Variants in GNG2 observed in about 807,000 individuals in gnomAD.
GNG2 encodes G protein subunit gamma 2, also known as guanine nucleotide-binding protein G(I)/G(S)/G(O) subunit gamma-2.
GNG2 carries 5 observed loss-of-function variants against 5.5 expected under a neutral mutation model. The ratio of observed to expected loss-of-function variants is 0.91; its 90% CI spans 0.48 to 1.92. GNG2 has a LOEUF of 1.92. GNG2 is among the 30% of genes most tolerant of loss of function. The probability of loss-of-function intolerance (pLI) is 0.01; values close to 1 mark genes in which losing one functional copy is unlikely to be tolerated. For synonymous variants in GNG2, 28 were observed against 32.0 expected (o/e 0.88, Z 0.42); for missense variants, 55 against 88.4 (o/e 0.62, Z 1.52).
chr14:51,844,870 C>T (rs2002461), intron 2 of GNG2, among the ~76,000 whole-genome samples: 51,369 of 152,002 alleles, frequency 0.34, 9,193 homozygotes, highest in East Asian at 0.58. Flanking sequence ...GGATTACAGG[C>T]GCACGCCACC....
At chr14:51,850,751 G>A (rs1881868931) in intron 2 of GNG2, among the ~76,000 whole-genome samples, 2 of 152,198 alleles carry the variant, frequency 1.3e-5, no homozygotes, top group East Asian at 1.9e-4. Flanking sequence ...AGAAGGTGAA[G>A]AGGGTTCAGG....
chr14:51,966,687 A>G lies in GNG2; in HGVS notation c.216A>G (p.Ter72=). 6.2e-7 allele frequency: 1 copy of G among 1,613,710 alleles called. No homozygotes were observed. Among genetic ancestry groups the G allele is most frequent in the Non-Finnish European group, 8.5e-7 (1 of 1,179,682 alleles). ...AGAAGTTTTTCTGTGCCATCCTTTA[A>G]GTCTTTGAGAGGGGCCTGAAGAGCC... is the stretch of plus-strand genomic sequence containing the variant. ...REKKFFCAIL[*] is the part of the protein sequence containing the mutation. Residue 72 remains the stop codon, a stop_retained_variant, in exon 4 of 4, where the codon TAA becomes TAG. Coordinates refer to ENST00000556766, the MANE Select transcript of GNG2 (RefSeq NM_053064.5).
chr14:51,875,592 G>C (rs1352602734), intron 1 of GNG2, among the ~76,000 whole-genome samples: 1 of 151,764 alleles, frequency 6.6e-6, no homozygotes, highest in African/African-American at 2.4e-5. Flanking sequence ...GTATCAGAAA[G>C]ATACTATGTA....
At chr14:51,882,499 C>A (rs375385294) in intron 2 of GNG2, among the ~76,000 whole-genome samples, 5 of 152,068 alleles carry the variant, frequency 3.3e-5, no homozygotes, top group African/African-American at 9.7e-5. Context: ...ATTAGGAAAC[C>A]CTTGAAGGGT....
At chr14:51,929,733 G>A (rs1345831768) in intron 2 of GNG2, among the ~76,000 whole-genome samples, 1 of 152,072 alleles carries the variant, frequency 6.6e-6, no homozygotes, top group Non-Finnish European at 1.5e-5. Context: ...TTTGCCACAG[G>A]AGCTTTCTTG....
At chr14:51,866,860 A>G (rs963261050) in intron 1 of GNG2, among the ~76,000 whole-genome samples, 3 of 152,210 alleles carry the variant, frequency 2.0e-5, no homozygotes, top group African/African-American at 4.8e-5. Context: ...CGTCATTCAC[A>G]TCATTCATTC....
At chr14:51,845,197 G>T (rs1264689314) in intron 2 of GNG2, among the ~76,000 whole-genome samples, 3 of 152,182 alleles carry the variant, frequency 2.0e-5, no homozygotes, top group African/African-American at 7.2e-5. Context: ...TTAAAAATAG[G>T]TAATTTTCAA....
At chr14:51,928,611 T>TA (rs577775034) in intron 2 of GNG2, among the ~76,000 whole-genome samples, 6 of 152,012 alleles carry the variant, frequency 3.9e-5, no homozygotes, top group Admixed American at 6.5e-5. Context: ...TATCTCATCC[T>TA]AAAAAAACAC....
chr14:51,914,247 C>T (rs772667544), intron 2 of GNG2: 2 of 702,166 alleles, frequency 2.8e-6, no homozygotes, highest in South Asian at 3.0e-5. Context: ...AGTTATTAGG[C>T]AACATAAAAC....
At position 51,966,658 on chromosome 14, in the gene GNG2, GAGA is replaced by G. The variant is rs1406313441; in HGVS notation, c.193_195del (p.Lys65del). On this transcript the variant is annotated inframe_deletion, in exon 4 of 4. Transcript: ENST00000556766. The stretch of plus-strand genomic sequence containing the variant: ...TCCGGCTTCAGAAAACCCGTTTAGG[GAGA>G]AGAAGTTTTTCTGTGCCATCCTTTA... 3.1e-6 allele frequency: 5 copies of G among 1,613,822 alleles called. No homozygotes were observed. The highest frequency in any genetic ancestry group is 2.7e-5 in the African/African-American group (2 of 74,906).
chr14:51,935,752 T>C (rs929929751), intron 2 of GNG2, among the ~76,000 whole-genome samples: 2 of 152,174 alleles, frequency 1.3e-5, no homozygotes, highest in African/African-American at 4.8e-5. Flanking sequence ...GGCACCGGCA[T>C]CTGCTCGGTT....
chr14:51,827,693 C>T, exon 2 of GNG2: 2 of 702,148 alleles, frequency 2.8e-6, no homozygotes, highest in South Asian at 3.0e-5. Context: ...AAAAGCAGCA[C>T]CGTGGAGCTG....
chr14:51,835,280 G>C (rs141332054), intron 2 of GNG2, among the ~76,000 whole-genome samples: 11 of 152,326 alleles, frequency 7.2e-5, no homozygotes, highest in African/African-American at 1.4e-4. Context: ...TGAAGAGAAA[G>C]ACTGGGCATC....
intron 1 of GNG2, chr14:51,826,282 T>A (rs1019761135): frequency 2.6e-5 from 4 of 152,130 alleles, no homozygotes; most frequent in Non-Finnish European, 4.4e-5. Context: ...CAAAAATATA[T>A]ATTAAATAAA....
chr14:51,966,231 A>AAAAAAC (rs1555359164), intron 3 of GNG2, among the ~76,000 whole-genome samples: 2 of 108,498 alleles, frequency 1.8e-5, no homozygotes, highest in African/African-American at 6.3e-5. Context: ...AAAAAAAAAA[A>AAAAAAC]AAAAAACAAA....
intron 1 of GNG2, among the ~76,000 whole-genome samples, chr14:51,873,548 A>T (rs898502417): frequency 2.6e-5 from 4 of 152,256 alleles, no homozygotes; most frequent in African/African-American, 9.6e-5. Flanking sequence ...TATTGAATAT[A>T]GGTTAGCCAT....
intron 2 of GNG2, among the ~76,000 whole-genome samples, chr14:51,883,023 G>GAAAAAAAAAAAAAA (rs777193660): frequency 2.4e-5 from 3 of 127,180 alleles, no homozygotes; most frequent in African/African-American, 2.9e-5. Context: ...AAAAAAAAAA[G>GAAAAAAAAAAAAAA]AAAAAAAAAA....
intron 2 of GNG2, among the ~76,000 whole-genome samples, chr14:51,881,641 T>C (rs1265622882): frequency 6.6e-6 from 1 of 151,664 alleles, no homozygotes; most frequent in African/African-American, 2.4e-5. Context: ...GTAATTGTAC[T>C]TGAAAGAACA....
intron 2 of GNG2, among the ~76,000 whole-genome samples, chr14:51,836,110 T>A (rs12897211): frequency 0.27 from 40,115 of 151,348 alleles, 6,392 homozygotes; most frequent in Non-Finnish European, 0.36. Flanking sequence ...AAGGCTGTCT[T>A]CTCATTGTAC....
Sources: gnomAD v4.1 joint callset for allele counts (sites outside exome capture counted in the v4.1 genomes callset) on GRCh38, gnomAD v4.1.1 for gene constraint, MANE v1.5 for transcripts, NCBI Gene and HGNC (gene_info 2026-07-23, HGNC 2026-07-21) for gene names.